Variants in NDEL1 observed in about 807,000 individuals in gnomAD.
The protein encoded by NDEL1 is nuclear distribution protein nudE-like 1.
In NDEL1, 9 loss-of-function variants were observed where a neutral mutation model predicts 45.7. That is an observed-to-expected ratio of 0.20 (90% confidence interval 0.12 to 0.34). The LOEUF is 0.34. Among genes scored for constraint, NDEL1 ranks in the 10% least tolerant of loss-of-function variants. NDEL1 has a pLI of 1.00. For synonymous variants in NDEL1, 133 were observed against 158.6 expected (o/e 0.84, Z 1.21); for missense variants, 306 against 406.2 (o/e 0.75, Z 2.12).
intron 1 of NDEL1, 102 bp from the exon 2 acceptor site, chr17:8,444,158 T>C: frequency 1.4e-6 from 1 of 713,596 alleles, no homozygotes; most frequent in Non-Finnish European, 2.4e-6. Flanking sequence ...TCATGTTTTA[T>C]TCCCTCCAAA....
chr17:8,442,976 T>C (rs932627047), intron 1 of NDEL1, among the ~76,000 whole-genome samples: 1 of 151,830 alleles, frequency 6.6e-6, no homozygotes, highest in Non-Finnish European at 1.5e-5. Context: ...AGATGGGGTT[T>C]CACCGTGTTA....
intron 6 of NDEL1, among the ~76,000 whole-genome samples, chr17:8,452,109 T>C (rs749772539): frequency 1.3e-5 from 2 of 152,236 alleles, no homozygotes; most frequent in East Asian, 3.8e-4. Flanking sequence ...CTAGGTTTAC[T>C]GCTGAGGACA....
downstream of NDEL1, chr17:8,468,238 A>G (rs1159091053): frequency 6.6e-6 from 1 of 152,268 alleles, no homozygotes; most frequent in Non-Finnish European, 1.5e-5. Context: ...TTCCAACGTC[A>G]CTGCTGCTCT....
At chr17:8,450,657 A>G in intron 5 of NDEL1, 123 bp from the exon 6 acceptor site, 1 of 857,292 alleles carries the variant, frequency 1.2e-6, no homozygotes, top group East Asian at 3.0e-5. Flanking sequence ...CTTAAATAGG[A>G]AATTCATTTT....
At chr17:8,443,263 G>T (rs1909876401) in intron 1 of NDEL1, among the ~76,000 whole-genome samples, 1 of 152,234 alleles carries the variant, frequency 6.6e-6, no homozygotes, top group Non-Finnish European at 1.5e-5. Context: ...GCATTGCCCT[G>T]TGGTAATAAT....
chr17:8,423,931 C>A (rs1908761661), intron 1 of NDEL1, among the ~76,000 whole-genome samples: 1 of 152,118 alleles, frequency 6.6e-6, no homozygotes, highest in Non-Finnish European at 1.5e-5. Context: ...AATCCATAGG[C>A]TTAGGAAATA....
At chr17:8,430,846 A>T (rs1429604514) in intron 1 of NDEL1, among the ~76,000 whole-genome samples, 1 of 152,198 alleles carries the variant, frequency 6.6e-6, no homozygotes, top group East Asian at 1.9e-4. Context: ...TATTGGAAGC[A>T]GGGGCTGGGG....
chr17:8,429,062 C>T (rs370571151), intron 1 of NDEL1, among the ~76,000 whole-genome samples: 3 of 152,290 alleles, frequency 2.0e-5, no homozygotes, highest in Admixed American at 6.5e-5. Flanking sequence ...GACGCTATGG[C>T]CTGGGTTTAA....
chr17:8,437,948 C>T (rs944923441), intron 1 of NDEL1, among the ~76,000 whole-genome samples: 2 of 118,790 alleles, frequency 1.7e-5, no homozygotes, highest in Non-Finnish European at 3.5e-5. Context: ...GGGGTGGGGG[C>T]GGGCAGAGAA....
chr17:8,457,123 C>T (rs146894987), intron 7 of NDEL1, among the ~76,000 whole-genome samples: 113 of 152,254 alleles, frequency 7.4e-4, no homozygotes, highest in African/African-American at 2.4e-3. Context: ...GCTGACTGTA[C>T]GCTGCTTTCT....
intron 3 of NDEL1, 93 bp from the exon 4 acceptor site, chr17:8,446,661 T>G: frequency 8.3e-7 from 1 of 1,210,912 alleles, no homozygotes; most frequent in East Asian, 2.6e-5. Context: ...GTAAATTCCT[T>G]GGGTTCCCCC....
At chr17:8,472,204 A>G (rs926124189), downstream of NDEL1, among the ~76,000 whole-genome samples, 2 of 152,230 alleles carry the variant, frequency 1.3e-5, no homozygotes, top group Non-Finnish European at 2.9e-5. Context: ...ACCCAGAGCC[A>G]TAGAAAGGGC....
chr17:8,418,937 C>T (rs1253037294), intron 1 of NDEL1, among the ~76,000 whole-genome samples: 1 of 151,902 alleles, frequency 6.6e-6, no homozygotes, highest in Non-Finnish European at 1.5e-5. Context: ...CAGCATCAAC[C>T]TCCTGGGCTC....
intron 6 of NDEL1, 26 bp downstream of exon 6, chr17:8,450,979 G>A (rs764737153): frequency 1.9e-6 from 3 of 1,594,816 alleles, no homozygotes; most frequent in South Asian, 2.3e-5. Flanking sequence ...TCTTTTTGAG[G>A]CGATGTGTTA....
At chr17:8,438,192 C>T (rs371031499) in intron 1 of NDEL1, among the ~76,000 whole-genome samples, 5 of 152,156 alleles carry the variant, frequency 3.3e-5, no homozygotes, top group African/African-American at 9.7e-5. Context: ...CTCCTCACCT[C>T]GTGATCCGCC....
intron 6 of NDEL1, among the ~76,000 whole-genome samples, chr17:8,452,699 TTTTC>T (rs1438479881): frequency 6.6e-6 from 1 of 150,680 alleles, no homozygotes; most frequent in East Asian, 1.9e-4. Context: ...CTTTCTTTCT[TTTTC>T]TTTCTTCCTT....
downstream of NDEL1, among the ~76,000 whole-genome samples, chr17:8,469,121 C>T (rs1911768444): frequency 6.6e-6 from 1 of 152,094 alleles, no homozygotes; most frequent in East Asian, 1.9e-4. Flanking sequence ...AGATTTTGTC[C>T]TGAGCTGAGT....
At chr17:8,428,839 A>G (rs1024382974) in intron 1 of NDEL1, among the ~76,000 whole-genome samples, 1 of 149,226 alleles carries the variant, frequency 6.7e-6, no homozygotes, top group Non-Finnish European at 1.5e-5. Flanking sequence ...ACGCCCGGCT[A>G]ATTTTTTGTA....
chr17:8,462,856 G>A (rs1248009332), intron 8 of NDEL1: 7 of 154,380 alleles, frequency 4.5e-5, no homozygotes, highest in Non-Finnish European at 1.0e-4. Flanking sequence ...CTTCCCACCC[G>A]CTGAAACTTC....
Sources: gnomAD v4.1 joint callset for allele counts (sites outside exome capture counted in the v4.1 genomes callset) on GRCh38, gnomAD v4.1.1 for gene constraint, MANE v1.5 for transcripts, NCBI Gene and HGNC (gene_info 2026-07-23, HGNC 2026-07-21) for gene names.